CHPT1: variants seen among roughly 807,000 people sequenced by gnomAD.
The protein encoded by CHPT1 is cholinephosphotransferase 1.
In CHPT1, 36 loss-of-function variants were observed where a neutral mutation model predicts 47.6. The ratio of observed to expected loss-of-function variants is 0.76; its 90% confidence interval spans 0.58 to 1.00. The LOEUF is 1.00. Among genes scored for constraint, CHPT1 ranks in the 50% least tolerant of loss-of-function variants. CHPT1 has a pLI of 0.00. For missense variants in CHPT1, 458 were observed against 498.1 expected (o/e 0.92, Z 0.77); for synonymous variants, 194 against 186.3 (o/e 1.04, Z -0.33).
At chr12:101,700,152 G>A (rs1009063899) in intron 1 of CHPT1, among the ~76,000 whole-genome samples, 5 of 152,166 alleles carry the variant, frequency 3.3e-5, no homozygotes, top group Non-Finnish European at 5.9e-5. Flanking sequence ...ATATTGGCCA[G>A]TTAAGTTGTG....
At chr12:101,705,090 TTTTG>T (rs992919773) in intron 1 of CHPT1, among the ~76,000 whole-genome samples, 4 of 122,878 alleles carry the variant, frequency 3.3e-5, no homozygotes, top group East Asian at 4.3e-4. Context: ...TGCTTTTTTG[TTTTG>T]TTTGTTTGTT....
intron 4 of CHPT1, among the ~76,000 whole-genome samples, chr12:101,717,970 A>C (rs938797845): frequency 6.6e-6 from 1 of 152,234 alleles, no homozygotes; most frequent in African/African-American, 2.4e-5. Context: ...TGGAGTTCCA[A>C]GAAGTTATGG....
At chr12:101,706,474 T>C (rs1486258081) in intron 1 of CHPT1, among the ~76,000 whole-genome samples, 1 of 152,024 alleles carries the variant, frequency 6.6e-6, no homozygotes, top group African/African-American at 2.4e-5. Context: ...GAAACATACC[T>C]CAGAAACTAT....
chr12:101,725,811 C>A (rs1951935048), intron 7 of CHPT1, among the ~76,000 whole-genome samples: 1 of 152,078 alleles, frequency 6.6e-6, no homozygotes, highest in African/African-American at 2.4e-5. Flanking sequence ...GGCAAAGTTT[C>A]TAAATAGAGG....
At chr12:101,723,992 G>A (rs565911173) in intron 7 of CHPT1, 145 bp downstream of exon 7, 26 of 577,650 alleles carry the variant, frequency 4.5e-5, no homozygotes, top group East Asian at 3.6e-4. Flanking sequence ...CAAGGTGGAC[G>A]GATCATTTGA....
intron 1 of CHPT1, among the ~76,000 whole-genome samples, chr12:101,711,147 G>A (rs1272559916): frequency 1.4e-5 from 2 of 147,834 alleles, no homozygotes; most frequent in African/African-American, 4.9e-5. Context: ...AACTCAAAAT[G>A]GATAAAATAC....
intron 1 of CHPT1, among the ~76,000 whole-genome samples, chr12:101,701,175 T>G (rs1003127628): frequency 1.3e-5 from 2 of 152,238 alleles, no homozygotes; most frequent in Admixed American, 1.3e-4. Context: ...AGGAACTTTG[T>G]ACTCCAGCCA....
Position 101,711,459 on chromosome 12 carries a change from G to A in CHPT1, c.274-2631G>A, listed in dbSNP as rs542003201. On this transcript the variant is annotated intron_variant, in intron 1 of 8. Transcript: ENST00000229266. ...AGAAATATGGTATGATCTTGATCTC[G>A]CGTATACACAGAATCTGAAAAAAAA... 1.4e-3 allele frequency among the ~76,000 whole-genome samples: 210 copies of A among 147,846 alleles called. 28 individuals carry two copies. The highest frequency in any genetic ancestry group is 2.3e-3 in the Non-Finnish European group (149 of 66,118).
chr12:101,698,109 C>T lies in CHPT1; in HGVS notation c.248C>T (p.Ser83Phe). ...VNVVTTLVLI[S>F]YCPTATEEAP... ...GTGGTCACCACGCTCGTGCTCATCT[C>T]CTACTGTCCCACGGCCACCGAAGAG... The change falls in exon 1 of 9, where the codon TCC (serine) becomes TTC (phenylalanine). Residue 83 changes from serine to phenylalanine, a missense_variant. Transcript: ENST00000229266. 1.3e-6 allele frequency: 2 copies of T among 1,543,936 alleles called. No homozygotes were observed. The highest frequency in any genetic ancestry group is 1.7e-6 in the Non-Finnish European group (2 of 1,152,528).
chr12:101,701,664 A>G (rs182773118), intron 1 of CHPT1, among the ~76,000 whole-genome samples: 2 of 152,344 alleles, frequency 1.3e-5, no homozygotes, highest in Admixed American at 6.5e-5. Context: ...ATTGAGCAGG[A>G]CAACTTACCA....
intron 1 of CHPT1, among the ~76,000 whole-genome samples, chr12:101,708,151 G>A (rs1951657957): frequency 6.6e-6 from 1 of 152,154 alleles, no homozygotes; most frequent in Non-Finnish European, 1.5e-5. Context: ...CTATACGATA[G>A]TTACAGTGTT....
intron 6 of CHPT1, 96 bp downstream of exon 6, chr12:101,723,422 T>C (rs1271161951): frequency 1.3e-6 from 1 of 786,066 alleles, no homozygotes; most frequent in African/African-American, 1.8e-5. Flanking sequence ...TTTTCTTTTG[T>C]AGTGTAAAAT....
At chr12:101,725,398 A>T (rs1951926442) in intron 7 of CHPT1, among the ~76,000 whole-genome samples, 1 of 152,180 alleles carries the variant, frequency 6.6e-6, no homozygotes. Flanking sequence ...AATCCAGTTT[A>T]AAAAATAGGG....
Position 101,726,342 on chromosome 12 carries a change from C to A in CHPT1, c.1114C>A (p.Gln372Lys), listed in dbSNP as rs760755818. The A allele has an allele frequency of 4.5e-5, 72 of 1,612,980 alleles. No individual in the cohort carries two copies. The highest frequency in any genetic ancestry group is 5.9e-5 in the Non-Finnish European group (70 of 1,179,436). The change falls in exon 8 of 9, where the codon CAA becomes AAA. Residue 372 changes from glutamine (Q) to lysine (K), a missense_variant. Coordinates refer to ENST00000229266, the MANE Select transcript of CHPT1 (RefSeq NM_020244.3). ...GATATACTTTAGTGCTTTGTGCCTG[C>A]AAATTTCAAGACACCTTCATCTAAA... ...MVIYFSALCL[Q>K]ISRHLHLNIF...
chr12:101,714,157 A>T lies in CHPT1; in HGVS notation c.341A>T (p.Asp114Val), dbSNP rs747854303. The T allele has an allele frequency of 1.2e-6, 2 of 1,612,586 alleles. No homozygotes were observed. The highest frequency in any genetic ancestry group is 1.7e-6 in the Non-Finnish European group (2 of 1,178,680). Residue 114 changes from aspartate (D) to valine (V), a missense_variant, in exon 2 of 9, where the codon GAT (aspartate) becomes GTT (valine). Transcript: ENST00000229266. ...LFIYQSLDAI[D>V]GKQARRTNSC... ...ATTTACCAGTCACTGGATGCTATTG[A>T]TGGGAAACAAGCCAGAAGAACAAAC...
Position 101,728,962 on chromosome 12 carries a change from T to C in CHPT1, c.*17T>C, listed in dbSNP as rs766706182. 45 of 1,613,468 alleles carry C rather than the reference T, an allele frequency of 2.8e-5. No homozygotes were observed. The highest frequency in any genetic ancestry group is 3.7e-5 in the Non-Finnish European group (44 of 1,179,714). On this transcript the variant is annotated 3_prime_UTR_variant, in exon 9 of 9. Transcript: ENST00000229266. ...ATGGATTGAAGAGACTTCCGAACACTTGCTATCTCTTGCTGCTGCTGTTTC... is the reference window on the plus strand; with the variant it reads ...ATGGATTGAAGAGACTTCCGAACACCTGCTATCTCTTGCTGCTGCTGTTTC...
intron 1 of CHPT1, among the ~76,000 whole-genome samples, chr12:101,699,458 GCT>G (rs1290821867): frequency 6.6e-6 from 1 of 151,152 alleles, no homozygotes; most frequent in African/African-American, 2.4e-5. Flanking sequence ...GGTGATCTCG[GCT>G]CACTGCAACC....
intron 3 of CHPT1, among the ~76,000 whole-genome samples, chr12:101,716,439 T>C (rs1405975939): frequency 2.0e-5 from 3 of 152,176 alleles, no homozygotes; most frequent in Non-Finnish European, 4.4e-5. Flanking sequence ...GTTCATAAAT[T>C]AGAAAATAAA....
chr12:101,707,616 GAC>G (rs1202195573), intron 1 of CHPT1, among the ~76,000 whole-genome samples: 1 of 152,204 alleles, frequency 6.6e-6, no homozygotes, highest in Non-Finnish European at 1.5e-5. Flanking sequence ...GAGTGAGAAA[GAC>G]ACAATCCTTG....
Sources: gnomAD v4.1 joint callset for allele counts (sites outside exome capture counted in the v4.1 genomes callset) on GRCh38, gnomAD v4.1.1 for gene constraint, MANE v1.5 for transcripts, NCBI Gene and HGNC (gene_info 2026-07-23, HGNC 2026-07-21) for gene names.